FNDC3A: variants seen among roughly 807,000 people sequenced by gnomAD.
The protein encoded by FNDC3A is fibronectin type III domain containing 3A, also known as fibronectin type-III domain-containing protein 3A.
A neutral mutation model predicts 148.9 loss-of-function variants in FNDC3A; 32 were observed. That is an observed-to-expected ratio of 0.21 (90% CI 0.16 to 0.29). FNDC3A has a LOEUF of 0.29. Ranked by LOEUF, FNDC3A falls within the 10% of genes least tolerant of loss-of-function variation. The pLI is 1.00. For missense variants in FNDC3A, 1,191 were observed against 1,452.8 expected, an observed-to-expected ratio of 0.82 and a Z score of 2.93; for synonymous variants, 472 against 473.6, an observed-to-expected ratio of 1.00 and a Z score of 0.04.
intron 2 of FNDC3A, among the ~76,000 whole-genome samples, chr13:49,012,016 C>T (rs1952356611): frequency 6.6e-6 from 1 of 152,064 alleles, no homozygotes; most frequent in Non-Finnish European, 1.5e-5. Context: ...ATTGAAAAAA[C>T]TGTTGTTTTC....
chr13:49,060,795 A>T (rs947043194), intron 2 of FNDC3A, among the ~76,000 whole-genome samples: 1 of 152,126 alleles, frequency 6.6e-6, no homozygotes, highest in Non-Finnish European at 1.5e-5. Flanking sequence ...AGGTAAATAC[A>T]TAGAGATAGA....
intron 7 of FNDC3A, among the ~76,000 whole-genome samples, chr13:49,144,959 G>GCT (rs1882910555): frequency 6.6e-6 from 1 of 152,098 alleles, no homozygotes; most frequent in African/African-American, 2.4e-5. Flanking sequence ...TTGAGCACTT[G>GCT]CAGAATAATA....
At chr13:49,022,262 G>C (rs1337244601) in intron 2 of FNDC3A, among the ~76,000 whole-genome samples, 2 of 152,140 alleles carry the variant, frequency 1.3e-5, no homozygotes, top group Non-Finnish European at 2.9e-5. Context: ...AGCAGAGCTA[G>C]GTAGTAGAGT....
At position 49,198,281 on chromosome 13, in the gene FNDC3A, T is replaced by G; in HGVS notation, c.2774+16T>G. On this transcript the variant is annotated intron_variant, in intron 22 of 25. Transcript: ENST00000492622. ...CAACATACAGGTATACTCTAAAAAT[T>G]ATGTTGATTTTTGCCTAGACCAGAG... 6.2e-7 allele frequency: 1 copy of G among 1,610,978 alleles called. No homozygotes were observed. The highest frequency in any genetic ancestry group is 1.3e-5 in the African/African-American group (1 of 74,726).
intron 3 of FNDC3A, among the ~76,000 whole-genome samples, chr13:49,103,363 C>G (rs1879977116): frequency 6.6e-6 from 1 of 152,166 alleles, no homozygotes; most frequent in Non-Finnish European, 1.5e-5. Flanking sequence ...GTGGTTCACA[C>G]AGTATTGACA....
intron 3 of FNDC3A, 118 bp downstream of exon 3, chr13:49,075,482 G>A (rs1878033812): frequency 3.3e-6 from 2 of 604,492 alleles, no homozygotes. Context: ...GCACACAAAA[G>A]CATAAACTCT....
intron 2 of FNDC3A, among the ~76,000 whole-genome samples, chr13:49,016,860 C>G (rs1169642442): frequency 1.3e-5 from 2 of 151,296 alleles, no homozygotes; most frequent in Non-Finnish European, 3.0e-5. Context: ...TCGTTATGTA[C>G]CCAGTAGTCA....
intron 2 of FNDC3A, among the ~76,000 whole-genome samples, chr13:49,055,254 C>T (rs759225332): frequency 9.2e-5 from 14 of 152,068 alleles, no homozygotes; most frequent in Non-Finnish European, 1.8e-4. Context: ...CAAGCATGCA[C>T]CACTACACCC....
chr13:49,080,647 AT>A (rs1382784188), intron 3 of FNDC3A, among the ~76,000 whole-genome samples: 1 of 152,066 alleles, frequency 6.6e-6, no homozygotes, highest in Non-Finnish European at 1.5e-5. Context: ...GAATGGGGAG[AT>A]TTTAGGTTTT....
At chr13:49,134,801 CTTTTTTTTTTTT>C (rs528015993) in intron 5 of FNDC3A, among the ~76,000 whole-genome samples, 60 of 6,204 alleles carry the variant, frequency 9.7e-3, no homozygotes, top group South Asian at 0.085. Context: ...TTTTCTTTTC[CTTTTTTTTTTTT>C]TTTTTTTTTT....
At chr13:49,000,189 TTTC>T (rs1566182310) in intron 1 of FNDC3A, among the ~76,000 whole-genome samples, 1 of 152,240 alleles carries the variant, frequency 6.6e-6, no homozygotes, top group Non-Finnish European at 1.5e-5. Flanking sequence ...TTCCCCATGT[TTTC>T]TTCTAGAAGT....
At chr13:49,110,355 T>A (rs1238744514) in intron 3 of FNDC3A, 1 of 1,612,416 alleles carries the variant, frequency 6.2e-7, no homozygotes, top group Non-Finnish European at 8.5e-7. Context: ...CTACGCTGTT[T>A]CCTTGTTGGA....
At chr13:48,983,554 G>A (rs1345795027) in intron 1 of FNDC3A, among the ~76,000 whole-genome samples, 7 of 152,148 alleles carry the variant, frequency 4.6e-5, no homozygotes, top group Admixed American at 2.6e-4. Context: ...CTTCATTTAC[G>A]AAACTAGGCA....
At chr13:48,991,105 T>C (rs1951907636) in intron 1 of FNDC3A, among the ~76,000 whole-genome samples, 1 of 152,176 alleles carries the variant, frequency 6.6e-6, no homozygotes, top group Non-Finnish European at 1.5e-5. Context: ...AACAATCACA[T>C]TACATATAAA....
chr13:49,190,237 A>G (rs1276914962), intron 17 of FNDC3A, among the ~76,000 whole-genome samples: 3 of 152,214 alleles, frequency 2.0e-5, no homozygotes, highest in African/African-American at 7.2e-5. Flanking sequence ...GGCTTTTTAA[A>G]ATATAAATAT....
rs1018930008 is a variant in FNDC3A at position 49,207,680 on chromosome 13, A to G, written c.*285A>G. Reference sequence around the variant, plus strand: ...TGCCTTCTTATAGAAAAACTTTCTAAGAGGCAACAATTTAGAATGGATATT... The same window carrying G: ...TGCCTTCTTATAGAAAAACTTTCTAGGAGGCAACAATTTAGAATGGATATT... On this transcript the variant is annotated 3_prime_UTR_variant, in exon 26 of 26. Transcript: ENST00000492622. The G allele has an allele frequency of 3.8e-5, 11 of 291,962 alleles. No homozygotes were observed. The highest frequency in any genetic ancestry group is 5.8e-5 in the Non-Finnish European group (9 of 155,988). The allele number at this position is 291,962 out of a possible 1,614,324, so 18.1% of individuals were successfully genotyped here.
intron 2 of FNDC3A, among the ~76,000 whole-genome samples, chr13:49,058,098 G>A (rs1339838501): frequency 1.3e-5 from 2 of 152,146 alleles, no homozygotes; most frequent in Non-Finnish European, 2.9e-5. Flanking sequence ...CAGACACCGA[G>A]TTAAAGAAGG....
intron 2 of FNDC3A, among the ~76,000 whole-genome samples, chr13:49,018,203 A>T (rs975780711): frequency 6.6e-6 from 1 of 152,156 alleles, no homozygotes; most frequent in Non-Finnish European, 1.5e-5. Context: ...GTGTTTTCCA[A>T]CTTGGTTCTA....
Position 49,168,606 on chromosome 13 carries a change from A to G in FNDC3A, c.1038-7A>G. 6.2e-7 allele frequency: 1 copy of G among 1,600,444 alleles called. No homozygotes were observed. Among genetic ancestry groups the G allele is most frequent in the Non-Finnish European group, 8.5e-7 (1 of 1,170,020 alleles). On this transcript the variant is annotated splice_region_variant and splice_polypyrimidine_tract_variant and intron_variant, in intron 9 of 25. Transcript: ENST00000492622. ...GAAAGGTAAAACTATTTATTTTATC[A>G]CCATAGAGTCCAGGCAGAATATAAT...
Sources: allele counts gnomAD v4.1 joint callset (sites outside exome capture counted in the v4.1 genomes callset), GRCh38; gene constraint gnomAD v4.1.1; transcripts MANE v1.5; gene names NCBI Gene and HGNC (gene_info 2026-07-23, HGNC 2026-07-21).